SLC39A4: variants seen among roughly 807,000 people sequenced by gnomAD.
The protein encoded by SLC39A4 is solute carrier family 39 member 4.
SLC39A4 carries 49 observed loss-of-function variants against 56.6 expected under a neutral mutation model. That is an observed-to-expected ratio of 0.87 (90% CI 0.69 to 1.10). The LOEUF (loss-of-function observed/expected upper bound fraction) is 1.10, where lower values mean the gene tolerates loss of function less well. SLC39A4 is among the 50% of genes least tolerant of loss of function. The pLI is 0.00. For missense variants in SLC39A4, 993 were observed against 864.2 expected, an observed-to-expected ratio of 1.15 and a Z score of -1.87; for synonymous variants, 540 against 420.4, an observed-to-expected ratio of 1.28 and a Z score of -3.48.
chr8:144,415,054 T>G lies in SLC39A4; in HGVS notation c.724A>C (p.Ser242Arg), dbSNP rs1364461479. Residue 242 changes from serine (S) to arginine (R), a missense_variant, in exon 4 of 12, where the codon AGT (serine) becomes CGT (arginine). Physicochemically the swap from Ser to Arg is moderately radical, Grantham distance 110. Transcript: ENST00000301305. ...CTGCTGGCTCCCCTGTGCCGATGAC[T>G]GTGGTCACTGTGGGCCTCCCTGCCC... is the stretch of plus-strand genomic sequence containing the variant. ...GVGREAHSDH[S>R]HRHRGASSRD... is the part of the protein sequence containing the mutation. 8.1e-6 allele frequency: 13 copies of G among 1,611,314 alleles called. No individual in the cohort carries two copies. The highest frequency in any genetic ancestry group is 1.1e-5 in the Non-Finnish European group (13 of 1,179,924).
chr8:144,416,078 T>C lies in SLC39A4; in HGVS notation c.206A>G (p.Glu69Gly), dbSNP rs975881581. ...NGPCGKCLSVEDALGLGEPEG... is the reference protein window; with the variant it reads ...NGPCGKCLSVGDALGLGEPEG... ...AGGCTCGCCCAGGCCCAGGGCGTCCTCCACAGACAGGCACTGTGGGCAGAG... is the reference window on the plus strand; with the variant it reads ...AGGCTCGCCCAGGCCCAGGGCGTCCCCCACAGACAGGCACTGTGGGCAGAG... The change falls in exon 2 of 12, where the codon GAG (glutamate) becomes GGG (glycine). Residue 69 changes from glutamate (E) to glycine (G), a missense_variant. By Grantham distance (98) the Glu-to-Gly change is moderately conservative. Transcript: ENST00000301305. The C allele has an allele frequency of 5.0e-6, 8 of 1,597,670 alleles. No homozygotes were observed. In the African/African-American group the frequency reaches 9.4e-5, roughly 19 times the overall value.
At chr8:144,413,212 C>T (rs1821969216) in intron 10 of SLC39A4, 25 bp downstream of exon 10, 1 of 1,537,022 alleles carries the variant, frequency 6.5e-7, no homozygotes, top group Non-Finnish European at 8.7e-7. Flanking sequence ...CCGCCCATCT[C>T]CTTCCAGGCC....
chr8:144,414,033 C>T lies in SLC39A4; in HGVS notation c.1212G>A (p.Leu404=), dbSNP rs535601257. 3.2e-6 allele frequency: 5 copies of T among 1,586,090 alleles called. No homozygotes were observed. The highest frequency in any genetic ancestry group is 4.3e-6 in the Non-Finnish European group (5 of 1,166,046). The change falls in exon 7 of 12, where the codon CTG becomes CTA. Residue 404 remains leucine (L), a synonymous_variant. Coordinates refer to ENST00000301305, the MANE Select transcript of SLC39A4 (RefSeq NM_130849.4). ...AGGCGTAGAGCCCGGCCAGCATAGC[C>T]AGGAGGCGCCAGGTGGGCTGTGGGC... ...GLSPQPTWRL[L]AMLAGLYAFF...
intron 10 of SLC39A4, 104 bp from the exon 11 acceptor site, chr8:144,413,050 C>A: frequency 1.3e-6 from 2 of 1,495,134 alleles, no homozygotes; most frequent in South Asian, 1.2e-5. Flanking sequence ...CACCTGTTCC[C>A]GGTCTCCCCG....
At position 144,413,498 on chromosome 8, in the gene SLC39A4, G is replaced by GC. The variant is rs782295400; in HGVS notation, c.1474+14dup. ...CAGATCCCCCAGCCCTTCCGGGGTC[G>GC]CCCCCTGGGCTCACCTGGGCTCAGT... On this transcript the variant is annotated intron_variant, in intron 9 of 11. Transcript: ENST00000301305. 26 of 1,557,772 alleles carry GC rather than the reference G, an allele frequency of 1.7e-5. 1 individual carries two copies. The South Asian group carries it at 2.9e-4, about 18-fold the overall frequency.
At chr8:144,413,613 C>A (rs1460080553) in intron 8 of SLC39A4, 46 bp from the exon 9 acceptor site, 9 of 1,548,026 alleles carry the variant, frequency 5.8e-6, no homozygotes, top group Non-Finnish European at 7.8e-6. Context: ...GGAGGAGGAA[C>A]GCGGTGGGGC....
rs1554874151 is a variant in SLC39A4 at position 144,416,691 on chromosome 8, G to C, written c.99C>G (p.Thr33=). The change falls in exon 1 of 12, where the codon ACC becomes ACG. Residue 33 remains threonine, a synonymous_variant. Coordinates refer to ENST00000301305, the MANE Select transcript of SLC39A4 (RefSeq NM_130849.4). ...SPPAGLLSLL[T]SGQGALDQEA... ...CTTGATCCAGAGCGCCCTGGCCAGA[G>C]GTGAGCAGGCTCAGCAGACCAGCAG... 1.2e-6 allele frequency: 2 copies of C among 1,612,464 alleles called. No individual in the cohort carries two copies. Among genetic ancestry groups the C allele is most frequent in the Non-Finnish European group, 1.7e-6 (2 of 1,179,716 alleles).
Position 144,412,415 on chromosome 8 carries a change from C to T in SLC39A4, c.*123G>A. 6.5e-7 allele frequency: 1 copy of T among 1,532,104 alleles called. No individual in the cohort carries two copies. Among genetic ancestry groups the T allele is most frequent in the Non-Finnish European group, 9.0e-7 (1 of 1,111,616 alleles). The allele number at this position is 1,532,104 out of a possible 1,614,324, so 94.9% of individuals were successfully genotyped here. ...CCAGCAAGGAGAGCACAGCCATGCT[C>T]CAAGGACAAGAGTGTCTTTACTGGA... On this transcript the variant is annotated 3_prime_UTR_variant, in exon 12 of 12. Transcript: ENST00000301305.
At chr8:144,413,618 T>TGGGGC (rs782229233) in intron 8 of SLC39A4, 51 bp from the exon 9 acceptor site, 145 of 1,547,428 alleles carry the variant, frequency 9.4e-5, no homozygotes, top group Admixed American at 3.1e-4. Context: ...AGGAACGCGG[T>TGGGGC]GGGGCGGGGC....
chr8:144,414,963 G>A lies in SLC39A4; in HGVS notation c.804+11C>T, dbSNP rs782609827. On this transcript the variant is annotated intron_variant, in intron 4 of 11. Coordinates refer to ENST00000301305, the MANE Select transcript of SLC39A4 (RefSeq NM_130849.4). ...CGGTGAGGCCCCATCTTACCCCAGG[G>A]CGCAGCTCACCGTGTCCCACACACT... 4.3e-6 allele frequency: 7 copies of A among 1,612,704 alleles called. No homozygotes were observed. The highest frequency in any genetic ancestry group is 1.3e-5 in the African/African-American group (1 of 74,894).
intron 1 of SLC39A4, 95 bp from the exon 2 acceptor site, chr8:144,416,186 T>G: frequency 6.3e-7 from 1 of 1,594,700 alleles, no homozygotes; most frequent in East Asian, 2.2e-5. Flanking sequence ...TGTTTCCCTT[T>G]CAAGTCCAAC....
At chr8:144,416,312 C>T in intron 1 of SLC39A4, 12 of 1,508,120 alleles carry the variant, frequency 8.0e-6, no homozygotes, top group Non-Finnish European at 1.1e-5. Context: ...TCCCCCATCC[C>T]CAGGGGACTC....
chr8:144,412,555 C>T lies in SLC39A4; in HGVS notation c.1927G>A (p.Asp643Asn), dbSNP rs1554871776. 4 of 1,614,060 alleles carry T rather than the reference C, an allele frequency of 2.5e-6. No homozygotes were observed. The highest frequency in any genetic ancestry group is 3.4e-6 in the Non-Finnish European group (4 of 1,180,036). The change falls in exon 12 of 12, where the codon GAT (aspartate) becomes AAT (asparagine). Residue 643 changes from aspartate to asparagine, a missense_variant. Physicochemically the swap from Asp to Asn is conservative, Grantham distance 23. Transcript: ENST00000301305. Reference protein sequence around the residue: ...TVLLLLSLYEDDITF With the variant: ...TVLLLLSLYENDITF ...GCAGGGTATCAGAAGGTGATGTCAT[C>T]CTCGTACAGGGACAGCAGCAGCAGG...
In SLC39A4 at chr8:144,413,828, G is replaced by A; in HGVS notation, c.1341C>T (p.Ser447=). The change falls in exon 8 of 12, where the codon AGC becomes AGT. Residue 447 remains serine (S), a synonymous_variant. Transcript: ENST00000301305. ...GTGCCAGCTGCAGGGACACACCGTG[G>A]CTGTGGCCCCCGTGGCTATGGCTGC... is the stretch of plus-strand genomic sequence containing the variant. ...GHSSHSHGGH[S]HGVSLQLAPS... is the part of the protein sequence containing the mutation. The A allele has an allele frequency of 6.3e-7, 1 of 1,589,758 alleles. No homozygotes were observed. The highest frequency in any genetic ancestry group is 1.1e-5 in the South Asian group (1 of 88,210).
In SLC39A4 at chr8:144,412,912, G is replaced by T. The variant is rs896079086; in HGVS notation, c.1662C>A (p.Ser554=). 3.1e-6 allele frequency: 5 copies of T among 1,607,730 alleles called. No homozygotes were observed. The highest frequency in any genetic ancestry group is 4.2e-6 in the Non-Finnish European group (5 of 1,179,476). Residue 554 remains serine, a synonymous_variant, in exon 11 of 12, where the codon TCC becomes TCA. Transcript: ENST00000301305. ...DFAALLHAGL[S]VRQALLLNLA... is the part of the protein sequence containing the mutation. The stretch of plus-strand genomic sequence containing the variant: ...GGTTCAGCAGCAGTGCTTGGCGCAC[G>T]GACAGCCCCGCGTGCAGCAAGGCGG...
In SLC39A4 at chr8:144,412,645, G is replaced by C. The variant is rs781843190; in HGVS notation, c.1837C>G (p.Arg613Gly). 1.2e-6 allele frequency: 2 copies of C among 1,614,040 alleles called. No individual in the cohort carries two copies. The highest frequency in any genetic ancestry group is 4.5e-5 in the East Asian group (2 of 44,880). ...AAGAGGAGCCAGGGCCGCGGGTCCC[G>C]TACTTTCAACATCGCCGGGAGCTGA... ...CDMLPAMLKV[R>G]DPRPWLLFLL... Residue 613 changes from arginine to glycine, a missense_variant, in exon 12 of 12, where the codon CGG becomes GGG. Physicochemically the swap from Arg to Gly is moderately radical, Grantham distance 125 (BLOSUM62 -2). Coordinates refer to ENST00000301305, the MANE Select transcript of SLC39A4 (RefSeq NM_130849.4).
In SLC39A4 at chr8:144,414,816, T is replaced by C; in HGVS notation, c.885A>G (p.Gln295=). Residue 295 remains glutamine (Q), a synonymous_variant, in exon 5 of 12, where the codon CAA becomes CAG. Coordinates refer to ENST00000301305, the MANE Select transcript of SLC39A4 (RefSeq NM_130849.4). The part of the protein sequence containing the change: ...QAGVTPEAWA[Q]LSPALLQQQL... The stretch of plus-strand genomic sequence containing the variant: ...GCTGTTGGAGCAGGGCAGGGCTCAG[T>C]TGGGCCCAGGCCTCCGGGGTCACCC... 2 of 1,613,134 alleles carry C rather than the reference T, an allele frequency of 1.2e-6. No homozygotes were observed. The highest frequency in any genetic ancestry group is 1.7e-6 in the Non-Finnish European group (2 of 1,179,956).
Position 144,413,237 on chromosome 8 carries a change from C to CCAGCTCGTGTGG in SLC39A4, c.1615_1626dup (p.Pro539_Leu542dup), listed in dbSNP as rs1821971937. ...CCTTCCAGGCCCCGCCTGCGCTCACCCAGCTCGTGTGGCAACTCGTGGCAG... is the reference window on the plus strand; with the variant it reads ...CCTTCCAGGCCCCGCCTGCGCTCACCCAGCTCGTGTGGCAGCTCGTGTGGCAACTCGTGGCAG... On this transcript the variant is annotated inframe_insertion and splice_region_variant, in exon 10 of 12. Transcript: ENST00000301305. 3.2e-6 allele frequency: 5 copies of CCAGCTCGTGTGG among 1,576,850 alleles called. No homozygotes were observed. Among genetic ancestry groups the CCAGCTCGTGTGG allele is most frequent in the Non-Finnish European group, 2.6e-6 (3 of 1,166,350 alleles).
In SLC39A4 at chr8:144,414,057, G is replaced by A; in HGVS notation, c.1188C>T (p.Ser396=). ...CCAGGAGGCGCCAGGTGGGCTGTGG[G>A]CTGAGGCCCTCTTCGCTGTGTGTAT... The part of the protein sequence containing the change: ...GLHTHSEEGL[S]PQPTWRLLAM... The change falls in exon 7 of 12, where the codon AGC becomes AGT. Residue 396 remains serine, a synonymous_variant. Coordinates refer to ENST00000301305, the MANE Select transcript of SLC39A4 (RefSeq NM_130849.4). The A allele has an allele frequency of 6.4e-7, 1 of 1,571,432 alleles. No individual in the cohort carries two copies. The highest frequency in any genetic ancestry group is 8.6e-7 in the Non-Finnish European group (1 of 1,158,362).
Sources: gnomAD v4.1 joint callset for allele counts on GRCh38, gnomAD v4.1.1 for gene constraint, MANE v1.5 for transcripts, NCBI Gene and HGNC (gene_info 2026-07-23, HGNC 2026-07-21) for gene names.